Variants in GABRA5 observed in about 807,000 individuals in gnomAD.
GABRA5 encodes gamma-aminobutyric acid type A receptor subunit alpha5.
GABRA5 carries 18 observed loss-of-function variants against 47.3 expected under a neutral mutation model. The ratio of observed to expected loss-of-function variants is 0.38; its 90% confidence interval spans 0.26 to 0.56. The LOEUF (loss-of-function observed/expected upper bound fraction) is 0.56, where lower values mean the gene tolerates loss of function less well. Ranked by LOEUF, GABRA5 falls within the 20% of genes least tolerant of loss-of-function variation. The pLI, the probability that GABRA5 is intolerant of heterozygous loss-of-function variation, is 0.71. For synonymous variants in GABRA5, 237 were observed against 229.3 expected (o/e 1.03, Z -0.30); for missense variants, 365 against 599.3 (o/e 0.61, Z 4.08).
chr15:26,898,682 A>G (rs1893255543), intron 6 of GABRA5, among the ~76,000 whole-genome samples: 1 of 149,242 alleles, frequency 6.7e-6, no homozygotes, highest in Non-Finnish European at 1.5e-5. Flanking sequence ...CATTTCATTT[A>G]CCCAATCTTT....
At chr15:26,911,386 C>CAA (rs1893585810) in intron 6 of GABRA5, among the ~76,000 whole-genome samples, 1 of 146,396 alleles carries the variant, frequency 6.8e-6, no homozygotes, top group Non-Finnish European at 1.5e-5. Context: ...CACACACACA[C>CAA]ACACACACAC....
At chr15:26,921,529 ATCT>A (rs1893843293) in intron 7 of GABRA5, among the ~76,000 whole-genome samples, 1 of 152,064 alleles carries the variant, frequency 6.6e-6, no homozygotes, top group South Asian at 2.1e-4. Context: ...AATTTTATTG[ATCT>A]TATTATTTGT....
rs1892331594 is a variant in GABRA5 at position 26,867,125 on chromosome 15, C to G, written c.-140+14C>G. On this transcript the variant is annotated intron_variant, in intron 1 of 10. Transcript: ENST00000335625. This position sits in a 1 kb window ranked among gnomAD's most constrained non-coding sequence, Gnocchi z 5.9. Reference sequence around the variant, plus strand: ...CGCTCGGGCGAGGTGAGAGCGGGCGCGAGTGCGCCGGGGGCGCTGGGGGGC... The same window carrying G: ...CGCTCGGGCGAGGTGAGAGCGGGCGGGAGTGCGCCGGGGGCGCTGGGGGGC... 6.6e-6 allele frequency: 1 copy of G among 151,404 alleles called. No homozygotes were observed. The highest frequency in any genetic ancestry group is 6.6e-5 in the Admixed American group (1 of 15,072). 9.4% of individuals were successfully genotyped at this position (151,404 alleles called of 1,614,324 possible).
At chr15:26,910,721 T>A (rs1452860296) in intron 6 of GABRA5, among the ~76,000 whole-genome samples, 2 of 152,214 alleles carry the variant, frequency 1.3e-5, no homozygotes, top group African/African-American at 4.8e-5. Flanking sequence ...AAACAGAAAT[T>A]GGACCTTTGT....
At chr15:26,947,745 A>G (rs1894546133) in intron 10 of GABRA5, among the ~76,000 whole-genome samples, 189 bp from the exon 11 acceptor site, 1 of 152,114 alleles carries the variant, frequency 6.6e-6, no homozygotes, top group Admixed American at 6.5e-5. Flanking sequence ...GGATTGCCAG[A>G]CTTTAATAGC....
chr15:26,947,968 A>G lies in GABRA5; in HGVS notation c.1124A>G (p.Asn375Ser). The change falls in exon 11 of 11, where the codon AAC becomes AGC. Residue 375 changes from asparagine (N) to serine (S), a missense_variant. Asn to Ser is a conservative substitution (Grantham distance 46, BLOSUM62 1). Transcript: ENST00000335625. Reference sequence around the variant, plus strand: ...GAAGTCATACTAAATAAGTCAACAAACGCTTTTACAACTGGGAAGATGTCT... The same window carrying G: ...GAAGTCATACTAAATAAGTCAACAAGCGCTTTTACAACTGGGAAGATGTCT... ...KREVILNKST[N>S]AFTTGKMSHP... 1 of 1,589,762 alleles carries G rather than the reference A, an allele frequency of 6.3e-7. No individual in the cohort carries two copies. Among genetic ancestry groups the G allele is most frequent in the Non-Finnish European group, 8.6e-7 (1 of 1,167,302 alleles).
rs945349004 is a variant in GABRA5 at position 26,910,571 on chromosome 15, G to C, written c.498-4232G>C. Reference sequence around the variant, plus strand: ...GCCAAGATCATGCCACTGCACTCCAGCCTGGGTGACAGAACGAGACTCCAT... The same window carrying C: ...GCCAAGATCATGCCACTGCACTCCACCCTGGGTGACAGAACGAGACTCCAT... On this transcript the variant is annotated intron_variant, in intron 6 of 10. Transcript: ENST00000335625. Among the ~76,000 whole-genome samples the C allele has an allele frequency of 6.8e-5, 10 of 147,434 alleles. No individual in the cohort carries two copies. The Admixed American group carries it at 6.8e-4, about 10-fold the overall frequency.
At chr15:26,945,694 T>A (rs1894493454) in intron 10 of GABRA5, among the ~76,000 whole-genome samples, 1 of 152,200 alleles carries the variant, frequency 6.6e-6, no homozygotes, top group South Asian at 2.1e-4. Context: ...TTCTGACACC[T>A]GGCCACACTG....
chr15:26,917,033 C>T (rs1398275147), intron 7 of GABRA5, among the ~76,000 whole-genome samples: 1 of 152,066 alleles, frequency 6.6e-6, no homozygotes, highest in Admixed American at 6.6e-5. Context: ...AGTTTCACTT[C>T]TTCCTTTATG....
At position 26,948,023 on chromosome 15, in the gene GABRA5, C is replaced by T. The variant is rs752446955; in HGVS notation, c.1179C>T (p.Thr393=). Residue 393 remains threonine (T), a synonymous_variant, in exon 11 of 11, where the codon ACC becomes ACT. Coordinates refer to ENST00000335625, the MANE Select transcript of GABRA5 (RefSeq NM_000810.4). The part of the protein sequence containing the change: ...SHPPNIPKEQ[T]PAGTSNTTSV... ...CCCCAAACATTCCGAAGGAACAGAC[C>T]CCAGCAGGGACGTCGAATACAACCT... 1.2e-6 allele frequency: 2 copies of T among 1,604,352 alleles called. No homozygotes were observed. Among genetic ancestry groups the T allele is most frequent in the East Asian group, 2.2e-5 (1 of 44,664 alleles).
chr15:26,940,820 G>A (rs759452681), intron 9 of GABRA5, among the ~76,000 whole-genome samples: 3 of 152,180 alleles, frequency 2.0e-5, no homozygotes, highest in East Asian at 3.9e-4. Flanking sequence ...GAGGTACCTC[G>A]GCCCAGCAGG....
intron 7 of GABRA5, among the ~76,000 whole-genome samples, chr15:26,919,658 C>T (rs1893797277): frequency 6.6e-6 from 1 of 151,996 alleles, no homozygotes; most frequent in Non-Finnish European, 1.5e-5. Flanking sequence ...TACAATAATA[C>T]AGTATTCTTT....
At position 26,920,803 on chromosome 15, in the gene GABRA5, A is replaced by G. The variant is rs184950848; in HGVS notation, c.580+5918A>G. Among the ~76,000 whole-genome samples the G allele has an allele frequency of 4.7e-4, 71 of 152,258 alleles. No individual in the cohort carries two copies. The South Asian group carries it at 6.4e-3, about 14-fold the overall frequency. ...GGTGCTAGTCAAACTCACTTTCTTT[A>G]TTCTAAGCAGCTCCTAGGCATCTAG... is the stretch of plus-strand genomic sequence containing the variant. On this transcript the variant is annotated intron_variant, in intron 7 of 10. Transcript: ENST00000335625.
intron 7 of GABRA5, among the ~76,000 whole-genome samples, chr15:26,930,827 A>T (rs965220366): frequency 6.6e-6 from 1 of 150,638 alleles, no homozygotes; most frequent in Non-Finnish European, 1.5e-5. Flanking sequence ...GCAGCACCCC[A>T]GTCTTGGTGC....
Position 26,883,108 on chromosome 15 carries a change from G to GT in GABRA5, c.209-57dup. ...TGGTTACTGGACTGAGAGCACGAGA[G>GT]TGTGCCAGACGCGCAGGGTGGGTCG... On this transcript the variant is annotated intron_variant, in intron 4 of 10. Coordinates refer to ENST00000335625, the MANE Select transcript of GABRA5 (RefSeq NM_000810.4). The surrounding 1 kb of genome is among the most constrained non-coding windows in gnomAD (Gnocchi z 4.8). The GT allele has an allele frequency of 7.2e-7, 1 of 1,388,164 alleles. No individual in the cohort carries two copies. Among genetic ancestry groups the GT allele is most frequent in the Non-Finnish European group, 1.0e-6 (1 of 973,740 alleles). 86.0% of individuals were successfully genotyped at this position (1,388,164 alleles called of 1,614,324 possible). A position where few individuals can be genotyped will look rare whatever the true frequency, so the allele number is the denominator to read the frequency against.
At chr15:26,869,808 G>A (rs1166941500) in intron 3 of GABRA5, among the ~76,000 whole-genome samples, 3 of 152,318 alleles carry the variant, frequency 2.0e-5, no homozygotes, top group South Asian at 2.1e-4. Flanking sequence ...CTGAGCCAAG[G>A]CCCTAGAACT....
intron 6 of GABRA5, among the ~76,000 whole-genome samples, chr15:26,885,916 C>T (rs1892866938): frequency 6.6e-6 from 1 of 152,124 alleles, no homozygotes; most frequent in African/African-American, 2.4e-5. Flanking sequence ...TCCTGGTCCT[C>T]GTCGGACTAG....
intron 7 of GABRA5, among the ~76,000 whole-genome samples, chr15:26,935,843 T>G (rs893652303): frequency 8.5e-5 from 13 of 152,188 alleles, no homozygotes; most frequent in African/African-American, 3.1e-4. Context: ...AGTTGTTAGC[T>G]CCTCATCGGC....
At chr15:26,894,470 C>T (rs1893128969) in intron 6 of GABRA5, among the ~76,000 whole-genome samples, 1 of 152,172 alleles carries the variant, frequency 6.6e-6, no homozygotes, top group South Asian at 2.1e-4. Flanking sequence ...GGGCTCTTGC[C>T]TGCGCCTCTT....
Sources: gnomAD v4.1 joint callset for allele counts (sites outside exome capture counted in the v4.1 genomes callset) on GRCh38, gnomAD v4.1.1 for gene constraint, Gnocchi (gnomAD v3.1) non-coding constraint, MANE v1.5 for transcripts, NCBI Gene and HGNC (gene_info 2026-07-23, HGNC 2026-07-21) for gene names.